Variants in PPFIA4 observed in about 807,000 individuals in gnomAD.
The protein encoded by PPFIA4 is PPFI scaffold protein A4, also known as liprin-alpha-4.
PPFIA4 carries 98 observed loss-of-function variants against 145.7 expected under a neutral mutation model. The observed-to-expected ratio is 0.67, with a 90% CI of 0.57 to 0.80. PPFIA4 has a LOEUF of 0.80. Among genes scored for constraint, PPFIA4 ranks in the 30% least tolerant of loss-of-function variants. The probability of loss-of-function intolerance (pLI) is 0.00; values close to 1 mark genes in which losing one functional copy is unlikely to be tolerated. For missense variants in PPFIA4, 1,457 were observed against 1,632.7 expected, an observed-to-expected ratio of 0.89 and a Z score of 1.85; for synonymous variants, 628 against 649.6, an observed-to-expected ratio of 0.97 and a Z score of 0.51.
intron 28 of PPFIA4, among the ~76,000 whole-genome samples, chr1:203,072,836 A>G (rs768422663): frequency 6.6e-6 from 1 of 152,126 alleles, no homozygotes; most frequent in Non-Finnish European, 1.5e-5. Context: ...ATAGACTTAT[A>G]TATGTATTTT....
chr1:203,045,123 A>G (rs182436499), intron 6 of PPFIA4, among the ~76,000 whole-genome samples: 11 of 152,312 alleles, frequency 7.2e-5, no homozygotes, highest in Admixed American at 1.3e-4. Context: ...AGAGGCTGGC[A>G]TAGCAGATAA....
intron 21 of PPFIA4, 65 bp downstream of exon 21, chr1:203,059,916 G>A: frequency 7.5e-7 from 1 of 1,340,572 alleles, no homozygotes; most frequent in Non-Finnish European, 1.1e-6. Flanking sequence ...GTGGGCAGAG[G>A]GGTGGTGTCC....
At chr1:203,035,793 G>C (rs1214229070) in intron 1 of PPFIA4, among the ~76,000 whole-genome samples, 1 of 131,936 alleles carries the variant, frequency 7.6e-6, no homozygotes, top group Non-Finnish European at 1.7e-5. Flanking sequence ...TCTGCTCACT[G>C]TTTCTGTGTA....
chr1:203,048,436 C>T lies in PPFIA4; in HGVS notation c.1224+126C>T. 1 of 1,462,838 alleles carries T rather than the reference C, an allele frequency of 6.8e-7. No homozygotes were observed. The highest frequency in any genetic ancestry group is 2.0e-5 in the Admixed American group (1 of 50,266). 90.6% of individuals were successfully genotyped at this position (1,462,838 alleles called of 1,614,324 possible). ...CACAGCCACAGAGAGTGGGAGGAGGCTGGCAGGTGAAGGGGGAGGTGGTCA... is the reference window on the plus strand; with the variant it reads ...CACAGCCACAGAGAGTGGGAGGAGGTTGGCAGGTGAAGGGGGAGGTGGTCA... On this transcript the variant is annotated intron_variant, in intron 10 of 29. Transcript: ENST00000295706. The surrounding 1 kb of genome is among the most constrained non-coding windows in gnomAD (Gnocchi z 5.8).
Position 203,048,160 on chromosome 1 carries a change from G to T in PPFIA4, c.1141-67G>T, listed in dbSNP as rs955607844. On this transcript the variant is annotated intron_variant, in intron 9 of 29. Coordinates refer to ENST00000295706, the MANE Select transcript of PPFIA4 (RefSeq NM_001304331.2). The surrounding 1 kb of genome is among the most constrained non-coding windows in gnomAD (Gnocchi z 5.8). ...AGGGCCACCCTGGCACCAGGGTGCA[G>T]GGGATGCGGGGCCTGAGCAGGAAGA... 1.3e-5 allele frequency: 19 copies of T among 1,503,172 alleles called. No individual in the cohort carries two copies. The African/African-American group carries it at 1.9e-4, about 15-fold the overall frequency. 93.1% of individuals were successfully genotyped at this position (1,503,172 alleles called of 1,614,324 possible).
In PPFIA4 at chr1:203,044,365, C is replaced by G. The variant is rs1269266853; in HGVS notation, c.502-14C>G. On this transcript the variant is annotated splice_polypyrimidine_tract_variant and intron_variant, in intron 4 of 29. Coordinates refer to ENST00000295706, the MANE Select transcript of PPFIA4 (RefSeq NM_001304331.2). ...GTCCCCCTTTCTTCCTCCATCTCCC[C>G]TTACCTCGAGCAGGTGCGAGAGCGG... 3.2e-6 allele frequency: 5 copies of G among 1,550,574 alleles called. No individual in the cohort carries two copies. The South Asian group carries it at 6.0e-5, about 18-fold the overall frequency.
intron 27 of PPFIA4, among the ~76,000 whole-genome samples, chr1:203,069,977 A>G (rs1177797543): frequency 2.0e-5 from 3 of 152,106 alleles, no homozygotes; most frequent in Admixed American, 2.0e-4. Flanking sequence ...GAGCAGTGTC[A>G]TTTGGATACT....
chr1:203,063,632 A>C (rs1661540425), intron 24 of PPFIA4, 196 bp from the exon 25 acceptor site: 4 of 561,948 alleles, frequency 7.1e-6, no homozygotes, highest in Admixed American at 6.5e-5. Context: ...GAGATCTTAA[A>C]AAGTTCCATT....
rs1272438655 is a variant in PPFIA4 at position 203,043,486 on chromosome 1, G to A, written c.324G>A (p.Arg108=). Residue 108 remains arginine (R), a synonymous_variant, in exon 3 of 30, where the codon CGG becomes CGA. Transcript: ENST00000295706. This position sits in a 1 kb window ranked among gnomAD's most constrained non-coding sequence, Gnocchi z 4.4. ...AGATATCAGAACTGAAAGCAGAACG[G>A]AATAACACACGGGTAAGTGGGGATG... ...EEEISELKAE[R]NNTRLLLEHL... 1 of 1,608,684 alleles carries A rather than the reference G, an allele frequency of 6.2e-7. No individual in the cohort carries two copies. The highest frequency in any genetic ancestry group is 8.5e-7 in the Non-Finnish European group (1 of 1,177,854).
Position 203,043,452 on chromosome 1 carries a change from G to A in PPFIA4, c.290G>A (p.Arg97Gln), listed in dbSNP as rs200046947. 1.9e-4 allele frequency: 308 copies of A among 1,611,474 alleles called. 1 individual carries two copies. Among genetic ancestry groups the A allele is most frequent in the Non-Finnish European group, 3.6e-5 (42 of 1,179,356 alleles). The change falls in exon 3 of 30, where the codon CGG (arginine) becomes CAG (glutamine). Residue 97 changes from arginine (R) to glutamine (Q), a missense_variant. Arg to Gln is a conservative substitution (Grantham distance 43). Transcript: ENST00000295706. This position sits in a 1 kb window ranked among gnomAD's most constrained non-coding sequence, Gnocchi z 4.4. ...ATGTGTCGGGAGCAGCTTCTAGAGC[G>A]GGAGGAAGAGATATCAGAACTGAAA... ...LSMCREQLLE[R>Q]EEEISELKAE... is the part of the protein sequence containing the mutation.
Position 203,055,513 on chromosome 1 carries a change from C to T in PPFIA4, c.1911C>T (p.Ala637=). Residue 637 remains alanine, a synonymous_variant, in exon 16 of 30, where the codon GCC becomes GCT. Transcript: ENST00000295706. This position sits in a 1 kb window ranked among gnomAD's most constrained non-coding sequence, Gnocchi z 4.8. Reference sequence around the variant, plus strand: ...GTGTAACCAGTGGCAGCATGGAAGCCCTAAACCTGAAGCAGCTGCGCAAGC... The same window carrying T: ...GTGTAACCAGTGGCAGCATGGAAGCTCTAAACCTGAAGCAGCTGCGCAAGC... ...ETRVTSGSME[A]LNLKQLRKRG... The T allele has an allele frequency of 6.2e-7, 1 of 1,613,998 alleles. No homozygotes were observed. The highest frequency in any genetic ancestry group is 8.5e-7 in the Non-Finnish European group (1 of 1,179,898).
Position 203,056,125 on chromosome 1 carries a change from T to C in PPFIA4, c.2076T>C (p.Ser692=). 2 of 1,613,978 alleles carry C rather than the reference T, an allele frequency of 1.2e-6. No homozygotes were observed. The highest frequency in any genetic ancestry group is 1.7e-6 in the Non-Finnish European group (2 of 1,179,886). The change falls in exon 17 of 30, where the codon AGT becomes AGC. Residue 692 remains serine, a synonymous_variant. Coordinates refer to ENST00000295706, the MANE Select transcript of PPFIA4 (RefSeq NM_001304331.2). ...CCCATCCCTCTCTCTTGCAGCCCAGTGACTTAAGAAAGCATAGGAGGAAGC... is the reference window on the plus strand; with the variant it reads ...CCCATCCCTCTCTCTTGCAGCCCAGCGACTTAAGAAAGCATAGGAGGAAGC... The part of the protein sequence containing the change: ...LDRMGVMTLP[S]DLRKHRRKLL...
chr1:203,072,619 A>G (rs564520184), intron 28 of PPFIA4, among the ~76,000 whole-genome samples: 10 of 152,218 alleles, frequency 6.6e-5, no homozygotes, highest in South Asian at 2.1e-4. Flanking sequence ...CTGGCTCCAA[A>G]CAAGTTAAAA....
intron 25 of PPFIA4, among the ~76,000 whole-genome samples, chr1:203,064,550 C>T (rs373877979): frequency 3.9e-5 from 6 of 152,330 alleles, no homozygotes; most frequent in African/African-American, 9.6e-5. Context: ...AAAGTGTCTG[C>T]GGCGCAGGTC....
At chr1:203,034,386 C>T (rs1451567998) in intron 1 of PPFIA4, 5 of 450,312 alleles carry the variant, frequency 1.1e-5, no homozygotes, top group Non-Finnish European at 2.2e-5. Context: ...TGGGTGAGGG[C>T]CAGGCTTCTG....
chr1:203,046,053 A>C, intron 8 of PPFIA4, 66 bp downstream of exon 8: 1 of 1,603,558 alleles, frequency 6.2e-7, no homozygotes, highest in African/African-American at 1.3e-5. Context: ...TCGTGAACCT[A>C]CTGGTGATGG....
chr1:203,040,889 G>A (rs1659652966), intron 2 of PPFIA4, among the ~76,000 whole-genome samples: 1 of 152,202 alleles, frequency 6.6e-6, no homozygotes, highest in African/African-American at 2.4e-5. Flanking sequence ...CCACACTGAA[G>A]CTTCATGAGG....
In PPFIA4 at chr1:203,068,653, C is replaced by T. The variant is rs1018904343; in HGVS notation, c.3324+25C>T. On this transcript the variant is annotated intron_variant, in intron 27 of 29. Transcript: ENST00000295706. The surrounding 1 kb of genome is among the most constrained non-coding windows in gnomAD (Gnocchi z 4.7). Reference sequence around the variant, plus strand: ...GGTGGGCAGCCTTTTAATCAGTCAACTTGAGTCTCTCCCTGTATCCCTCAC... The same window carrying T: ...GGTGGGCAGCCTTTTAATCAGTCAATTTGAGTCTCTCCCTGTATCCCTCAC... 6.8e-7 allele frequency: 1 copy of T among 1,466,838 alleles called. No individual in the cohort carries two copies. The highest frequency in any genetic ancestry group is 1.5e-5 in the African/African-American group (1 of 68,684). 90.9% of individuals were successfully genotyped at this position (1,466,838 alleles called of 1,614,324 possible).
Position 203,075,765 on chromosome 1 carries a change from A to G in PPFIA4, c.3574+8A>G, listed in dbSNP as rs767318792. ...AGAAGATCATGCCTGAAGGTGAGTA[A>G]CAGGCGGGCTGGGCATGGCCGAGGC... is the stretch of plus-strand genomic sequence containing the variant. On this transcript the variant is annotated splice_region_variant and intron_variant, in intron 29 of 29. Coordinates refer to ENST00000295706, the MANE Select transcript of PPFIA4 (RefSeq NM_001304331.2). The surrounding 1 kb of genome is among the most constrained non-coding windows in gnomAD (Gnocchi z 4.1). 5.2e-6 allele frequency: 7 copies of G among 1,358,518 alleles called. No homozygotes were observed. The highest frequency in any genetic ancestry group is 4.8e-6 in the Non-Finnish European group (5 of 1,049,818). 84.2% of individuals were successfully genotyped at this position (1,358,518 alleles called of 1,614,324 possible).
Sources: gnomAD v4.1 joint callset for allele counts (sites outside exome capture counted in the v4.1 genomes callset) on GRCh38, gnomAD v4.1.1 for gene constraint, Gnocchi (gnomAD v3.1) non-coding constraint, MANE v1.5 for transcripts, NCBI Gene and HGNC (gene_info 2026-07-23, HGNC 2026-07-21) for gene names.